Variants in ST18 observed in about 807,000 individuals in gnomAD.
ST18 encodes the protein suppression of tumorigenicity 18 protein.
Under a neutral mutation model 110.0 loss-of-function variants are expected in ST18, and 50 were observed. That is an observed-to-expected ratio of 0.45 (90% CI 0.36 to 0.58). The LOEUF (loss-of-function observed/expected upper bound fraction) is 0.58, where lower values mean the gene tolerates loss of function less well. Ranked by LOEUF, ST18 falls within the 20% of genes least tolerant of loss-of-function variation. The pLI is 0.00. For missense variants in ST18, 1,306 were observed against 1,280.1 expected (o/e 1.02, Z -0.31); for synonymous variants, 461 against 452.4 (o/e 1.02, Z -0.24).
chr8:52,283,902 G>C (rs560640440), intron 2 of ST18, among the ~76,000 whole-genome samples: 35 of 152,202 alleles, frequency 2.3e-4, no homozygotes, highest in Non-Finnish European at 4.8e-4. Flanking sequence ...GAAAATATAT[G>C]AAATAGTCTT....
At chr8:52,142,892 C>G in intron 17 of ST18, 38 bp downstream of exon 17, 1 of 1,413,796 alleles carries the variant, frequency 7.1e-7, no homozygotes, top group African/African-American at 1.4e-5. Flanking sequence ...AATCTTCATT[C>G]CAGAATCTTA....
intron 2 of ST18, among the ~76,000 whole-genome samples, chr8:52,280,875 G>C (rs1164630709): frequency 6.6e-6 from 1 of 151,982 alleles, no homozygotes; most frequent in East Asian, 1.9e-4. Flanking sequence ...ACAGACTTGA[G>C]CTAAAAGACA....
intron 2 of ST18, among the ~76,000 whole-genome samples, chr8:52,355,060 T>C (rs1785525609): frequency 6.6e-6 from 1 of 152,200 alleles, no homozygotes; most frequent in Non-Finnish European, 1.5e-5. Context: ...ACAGGGGTAT[T>C]GGCCCATCCC....
intron 23 of ST18, among the ~76,000 whole-genome samples, chr8:52,124,980 G>A (rs2046440457): frequency 6.6e-6 from 1 of 152,196 alleles, no homozygotes; most frequent in African/African-American, 2.4e-5. Context: ...CTCAATTCTA[G>A]TCATGTGCCA....
At chr8:52,190,030 T>A (rs1180548149) in intron 8 of ST18, among the ~76,000 whole-genome samples, 2 of 152,196 alleles carry the variant, frequency 1.3e-5, no homozygotes, top group Non-Finnish European at 1.5e-5. Flanking sequence ...AGGTTGGGTA[T>A]CTCAAATCCA....
rs1328040892 is a variant in ST18, at chr8:52,118,355, T to C, written c.2842A>G (p.Met948Val). Residue 948 changes from methionine (M) to valine (V), a missense_variant, in exon 24 of 26, where the codon ATG (methionine) becomes GTG (valine). Coordinates refer to ENST00000689386, the MANE Select transcript of ST18 (RefSeq NM_001352837.2). ...ESNLKIEADM[M>V]KLQTQITSME... ...TTTTTTACCTGGGTCTGAAGTTTCA[T>C]CATATCTGCTTCAATTTTAAGGTTG... 2.5e-6 allele frequency: 4 copies of C among 1,607,588 alleles called. No homozygotes were observed. The Admixed American group carries it at 6.8e-5, about 27-fold the overall frequency.
chr8:52,184,359 A>C (rs563529202), intron 8 of ST18, among the ~76,000 whole-genome samples: 2 of 152,296 alleles, frequency 1.3e-5, no homozygotes, highest in South Asian at 4.1e-4. Context: ...TTTCAACTCC[A>C]TACTTTTCAA....
chr8:52,168,370 G>A (rs2063698625), intron 10 of ST18, among the ~76,000 whole-genome samples: 2 of 151,786 alleles, frequency 1.3e-5, no homozygotes, highest in South Asian at 2.1e-4. Context: ...AACGGGGCAC[G>A]AAGTCTGGCC....
chr8:52,372,505 C>T (rs1042804565), intron 2 of ST18, among the ~76,000 whole-genome samples: 1 of 152,226 alleles, frequency 6.6e-6, no homozygotes, highest in African/African-American at 2.4e-5. Flanking sequence ...TAGGCCTTCA[C>T]CACTTACTCA....
chr8:52,240,005 G>A (rs1179874845), intron 2 of ST18, among the ~76,000 whole-genome samples: 5 of 152,038 alleles, frequency 3.3e-5, no homozygotes, highest in Non-Finnish European at 7.4e-5. Context: ...TATTGTCCAG[G>A]CTAGTCTCGA....
At chr8:52,324,853 TAATAAAATC>T (rs1204760828) in intron 2 of ST18, among the ~76,000 whole-genome samples, 4 of 152,292 alleles carry the variant, frequency 2.6e-5, no homozygotes, top group Admixed American at 2.6e-4. Context: ...TTGTTCTAAA[TAATAAAATC>T]AATATGTGAC....
chr8:52,287,393 CTG>C (rs1219634409), intron 2 of ST18, among the ~76,000 whole-genome samples: 1 of 152,148 alleles, frequency 6.6e-6, no homozygotes, highest in African/African-American at 2.4e-5. Context: ...AAGGTGATGT[CTG>C]TGTGTTCTTT....
At chr8:52,388,057 G>T (rs1837600456) in intron 2 of ST18, among the ~76,000 whole-genome samples, 1 of 151,124 alleles carries the variant, frequency 6.6e-6, no homozygotes, top group Non-Finnish European at 1.5e-5. Context: ...GAGATGAAAT[G>T]ATTCAATATA....
Position 52,133,412 on chromosome 8 carries a change from G to A in ST18, c.2301-111C>T, listed in dbSNP as rs2050583112. 12 of 1,289,074 alleles carry A rather than the reference G, an allele frequency of 9.3e-6. No homozygotes were observed. The East Asian group carries it at 2.9e-4, about 31-fold the overall frequency. 79.9% of individuals were successfully genotyped at this position (1,289,074 alleles called of 1,614,324 possible). A position where few individuals can be genotyped will look rare whatever the true frequency, so the allele number is the denominator to read the frequency against. ...AATCACATTAATGTTCCAAGTCTCT[G>A]TAGTTCACGTGGAGGGAGGCGGGGT... On this transcript the variant is annotated intron_variant, in intron 19 of 25. Transcript: ENST00000689386.
chr8:52,266,309 G>A (rs1208034429), intron 2 of ST18, among the ~76,000 whole-genome samples: 1 of 152,198 alleles, frequency 6.6e-6, no homozygotes, highest in Non-Finnish European at 1.5e-5. Context: ...AGGGATGTAA[G>A]TGTAGTTGGA....
chr8:52,409,856 T>G (rs998676797), upstream of ST18: 1 of 152,270 alleles, frequency 6.6e-6, no homozygotes, highest in African/African-American at 2.4e-5. Flanking sequence ...AAAACTCTTT[T>G]CACTGAGAGT....
At chr8:52,385,032 A>C (rs1042317303) in intron 2 of ST18, among the ~76,000 whole-genome samples, 1 of 152,238 alleles carries the variant, frequency 6.6e-6, no homozygotes, top group African/African-American at 2.4e-5. Context: ...GTACTTTCAC[A>C]TAAGTTATTT....
chr8:52,394,528 G>A (rs1840430482), intron 2 of ST18, among the ~76,000 whole-genome samples: 1 of 152,070 alleles, frequency 6.6e-6, no homozygotes, highest in Admixed American at 6.5e-5. Flanking sequence ...GCCTGAGCAG[G>A]CTCTTTCCTG....
intron 8 of ST18, among the ~76,000 whole-genome samples, chr8:52,188,810 A>C (rs12545108): frequency 6.6e-6 from 1 of 152,024 alleles, no homozygotes; most frequent in East Asian, 1.9e-4. Context: ...AGATTAGATG[A>C]TGGATGTAAA....
Sources: gnomAD v4.1 joint callset for allele counts (sites outside exome capture counted in the v4.1 genomes callset) on GRCh38, gnomAD v4.1.1 for gene constraint, MANE v1.5 for transcripts, NCBI Gene and HGNC (gene_info 2026-07-23, HGNC 2026-07-21) for gene names.